The following MB21D2 variants were observed in gnomAD, a reference collection of about 807,000 sequenced individuals.
MB21D2 encodes Mab-21 domain containing 2.
A neutral mutation model predicts 33.3 loss-of-function variants in MB21D2; 9 were observed. The ratio of observed to expected loss-of-function variants is 0.27; its 90% CI spans 0.16 to 0.47. The LOEUF is 0.47. Ranked by LOEUF, MB21D2 falls within the 20% of genes least tolerant of loss-of-function variation. The probability of loss-of-function intolerance (pLI) is 0.99; values close to 1 mark genes in which losing one functional copy is unlikely to be tolerated. For synonymous variants in MB21D2, 241 were observed against 236.3 expected (o/e 1.02, Z -0.18); for missense variants, 540 against 624.6 (o/e 0.86, Z 1.44).
At chr3:192,854,750 C>T (rs895993179) in intron 1 of MB21D2, among the ~76,000 whole-genome samples, 18 of 152,172 alleles carry the variant, frequency 1.2e-4, no homozygotes, top group Admixed American at 3.3e-4. Context: ...GTCCATCTAC[C>T]ATTCCGAAAA....
At chr3:192,822,601 C>A (rs1214297101) in intron 1 of MB21D2, among the ~76,000 whole-genome samples, 1 of 152,222 alleles carries the variant, frequency 6.6e-6, no homozygotes, top group Non-Finnish European at 1.5e-5. Flanking sequence ...CTGACCTATT[C>A]CCGATGAGCC....
At chr3:192,829,061 AC>A (rs2108619811) in intron 1 of MB21D2, among the ~76,000 whole-genome samples, 1 of 151,954 alleles carries the variant, frequency 6.6e-6, no homozygotes, top group African/African-American at 2.4e-5. Flanking sequence ...GTTTTCTCAC[AC>A]CCCTTTGCAG....
At chr3:192,896,574 C>A (rs1433572236) in intron 1 of MB21D2, among the ~76,000 whole-genome samples, 3 of 152,190 alleles carry the variant, frequency 2.0e-5, no homozygotes, top group African/African-American at 7.2e-5. Flanking sequence ...TCCAGATCCA[C>A]AAGGACAAAA....
At chr3:192,807,891 G>C (rs1577167626) in intron 1 of MB21D2, among the ~76,000 whole-genome samples, 2 of 151,968 alleles carry the variant, frequency 1.3e-5, no homozygotes, top group South Asian at 4.2e-4. Flanking sequence ...GAGTAACAAA[G>C]CTAATATCTC....
chr3:192,895,482 C>T (rs746629309), intron 1 of MB21D2, among the ~76,000 whole-genome samples: 3 of 152,180 alleles, frequency 2.0e-5, no homozygotes, highest in Admixed American at 6.5e-5. Context: ...ATGAAGCCAA[C>T]GACTCACTGC....
chr3:192,854,818 T>C (rs1712882234), intron 1 of MB21D2, among the ~76,000 whole-genome samples: 1 of 152,218 alleles, frequency 6.6e-6, no homozygotes, highest in Non-Finnish European at 1.5e-5. Flanking sequence ...ATAAATGGAA[T>C]AGCAAAGGCT....
chr3:192,867,013 G>A lies in MB21D2; in HGVS notation c.211+50617C>T, dbSNP rs1247273629. 3.3e-5 allele frequency among the ~76,000 whole-genome samples: 5 copies of A among 152,162 alleles called. No homozygotes were observed. The South Asian group carries it at 1.0e-3, about 32-fold the overall frequency. On this transcript the variant is annotated intron_variant, in intron 1 of 1. Coordinates refer to ENST00000392452, the MANE Select transcript of MB21D2 (RefSeq NM_178496.4). ...TCTCAGCTTTCTCCCTTGTGCGCCT[G>A]CATGCACACCAGATGGTGTGAAGCC...
At chr3:192,916,735 CTT>C (rs1171523310) in intron 1 of MB21D2, among the ~76,000 whole-genome samples, 21 of 152,312 alleles carry the variant, frequency 1.4e-4, no homozygotes, top group African/African-American at 4.6e-4. Context: ...AATTATGTTC[CTT>C]TACACAGCAT....
At chr3:192,867,533 TTGC>T (rs1232500054) in intron 1 of MB21D2, among the ~76,000 whole-genome samples, 1 of 152,220 alleles carries the variant, frequency 6.6e-6, no homozygotes, top group Non-Finnish European at 1.5e-5. Context: ...TCTGTCCTGG[TTGC>T]TGTTTTTTAT....
chr3:192,811,674 G>A (rs62293184), intron 1 of MB21D2, among the ~76,000 whole-genome samples: 4,706 of 152,160 alleles, frequency 0.031, 104 homozygotes, highest in Middle Eastern at 0.088. Flanking sequence ...CACTTCCCAA[G>A]GGACATTTTA....
At chr3:192,898,100 G>A (rs1486700454) in intron 1 of MB21D2, among the ~76,000 whole-genome samples, 1 of 151,758 alleles carries the variant, frequency 6.6e-6, no homozygotes. Context: ...ATATGTAGAT[G>A]CTATTAAGAT....
At chr3:192,816,212 ATTTT>A (rs112404939) in intron 1 of MB21D2, among the ~76,000 whole-genome samples, 256 of 120,560 alleles carry the variant, frequency 2.1e-3, no homozygotes, top group African/African-American at 2.2e-3. Flanking sequence ...CGAGAGGACA[ATTTT>A]TTTTTTTAAA....
intron 1 of MB21D2, among the ~76,000 whole-genome samples, chr3:192,871,311 T>C (rs1429691559): frequency 6.6e-6 from 1 of 152,184 alleles, no homozygotes; most frequent in Non-Finnish European, 1.5e-5. Flanking sequence ...GACGGTTATT[T>C]AGGGGTTGAT....
chr3:192,864,400 G>A (rs1001649099), intron 1 of MB21D2, among the ~76,000 whole-genome samples: 3 of 152,140 alleles, frequency 2.0e-5, no homozygotes, highest in Non-Finnish European at 4.4e-5. Context: ...TTGCAGAAAT[G>A]GGGTCTTGCT....
chr3:192,893,808 G>C (rs1428306261), intron 1 of MB21D2, among the ~76,000 whole-genome samples: 1 of 152,152 alleles, frequency 6.6e-6, no homozygotes, highest in African/African-American at 2.4e-5. Context: ...GCCCACGGTG[G>C]GAGGATCGCT....
chr3:192,864,318 G>A (rs1289128342), intron 1 of MB21D2, among the ~76,000 whole-genome samples: 1 of 152,188 alleles, frequency 6.6e-6, no homozygotes. Flanking sequence ...CCCAGTTTGT[G>A]TGTGAACTGG....
chr3:192,913,702 C>T (rs1714402420), intron 1 of MB21D2, among the ~76,000 whole-genome samples: 1 of 151,956 alleles, frequency 6.6e-6, no homozygotes, highest in African/African-American at 2.4e-5. Context: ...CACGGTGGTA[C>T]ACATCTCTAG....
At chr3:192,911,145 T>C (rs948164544) in intron 1 of MB21D2, among the ~76,000 whole-genome samples, 1 of 152,206 alleles carries the variant, frequency 6.6e-6, no homozygotes, top group Non-Finnish European at 1.5e-5. Context: ...GGGTTTTGTA[T>C]TCATCCTGAC....
intron 1 of MB21D2, among the ~76,000 whole-genome samples, chr3:192,833,735 T>C (rs1354174696): frequency 2.0e-5 from 3 of 152,202 alleles, no homozygotes; most frequent in Non-Finnish European, 4.4e-5. Context: ...ATGACTAAGT[T>C]GTCAATACTT....
Sources: allele counts gnomAD v4.1 joint callset (sites outside exome capture counted in the v4.1 genomes callset), GRCh38; gene constraint gnomAD v4.1.1; transcripts MANE v1.5; gene names NCBI Gene and HGNC (gene_info 2026-07-23, HGNC 2026-07-21).